The following TMEM17 variants were observed in gnomAD, a reference collection of about 807,000 sequenced individuals.
TMEM17 encodes transmembrane protein 17.
In TMEM17, 15 loss-of-function variants were observed where a neutral mutation model predicts 19.1. The observed-to-expected ratio is 0.78, with a 90% CI of 0.52 to 1.21. The LOEUF is 1.21. TMEM17 is among the 50% of genes most tolerant of loss of function. The probability of loss-of-function intolerance (pLI) is 0.00; values close to 1 mark genes in which losing one functional copy is unlikely to be tolerated. For synonymous variants in TMEM17, 103 were observed against 86.9 expected, an observed-to-expected ratio of 1.19 and a Z score of -1.03; for missense variants, 245 against 242.3, an observed-to-expected ratio of 1.01 and a Z score of -0.07.
At chr2:62,465,622 G>T in the TMEM17 span, among the ~76,000 whole-genome samples, 1 of 151,426 alleles carries the variant, frequency 6.6e-6, no homozygotes, top group South Asian at 2.1e-4. Flanking sequence ...TCAGCATTTT[G>T]TGAGGAGTAA....
the TMEM17 span, among the ~76,000 whole-genome samples, chr2:62,473,548 C>T: frequency 6.6e-6 from 1 of 152,216 alleles, no homozygotes; most frequent in Non-Finnish European, 1.5e-5. Flanking sequence ...CTCTCCTCCC[C>T]ACTCCCTGCT....
the TMEM17 span, among the ~76,000 whole-genome samples, chr2:62,484,454 A>G: frequency 6.6e-6 from 1 of 152,190 alleles, no homozygotes; most frequent in African/African-American, 2.4e-5. Flanking sequence ...GCCACAGGAG[A>G]CTGCTGAGCA....
At chr2:62,494,969 C>T in the TMEM17 span, among the ~76,000 whole-genome samples, 5 of 152,244 alleles carry the variant, frequency 3.3e-5, no homozygotes, top group South Asian at 2.1e-4. Context: ...GAGCCAAGAT[C>T]GTGCCACTGC....
the TMEM17 span, among the ~76,000 whole-genome samples, chr2:62,464,960 A>G: frequency 6.6e-6 from 1 of 152,198 alleles, no homozygotes; most frequent in Non-Finnish European, 1.5e-5. Context: ...TACAATAGAT[A>G]TGTTATCCCT....
chr2:62,489,817 T>G, the TMEM17 span, among the ~76,000 whole-genome samples: 3 of 152,166 alleles, frequency 2.0e-5, no homozygotes, highest in Non-Finnish European at 4.4e-5. Context: ...ACAAAAACCT[T>G]GCATCAAAGT....
chr2:62,493,620 G>A, the TMEM17 span, among the ~76,000 whole-genome samples: 59 of 152,268 alleles, frequency 3.9e-4, no homozygotes, highest in East Asian at 2.3e-3. Context: ...GTGTGTGTGC[G>A]CATGTGTAAA....
the TMEM17 span, among the ~76,000 whole-genome samples, chr2:62,457,479 G>A: frequency 6.6e-6 from 1 of 152,330 alleles, no homozygotes; most frequent in South Asian, 2.1e-4. The surrounding 1 kb of genome is among the most constrained non-coding windows in gnomAD (Gnocchi z 4.2). Flanking sequence ...GGGCAGAGAT[G>A]TCCGTTTCTT....
At chr2:62,488,125 A>G in the TMEM17 span, among the ~76,000 whole-genome samples, 1 of 152,186 alleles carries the variant, frequency 6.6e-6, no homozygotes. Context: ...ATGACTTTGT[A>G]TGGCCAGCTG....
At chr2:62,469,420 C>A in the TMEM17 span, among the ~76,000 whole-genome samples, 1 of 152,168 alleles carries the variant, frequency 6.6e-6, no homozygotes, top group Non-Finnish European at 1.5e-5. Flanking sequence ...AGCTTCTTGC[C>A]AAGATCTTTT....
At chr2:62,463,213 G>C in the TMEM17 span, 1 of 152,198 alleles carries the variant, frequency 6.6e-6, no homozygotes, top group Admixed American at 6.5e-5. Context: ...GAGGTGCCAT[G>C]AGACAGTATA....
At chr2:62,483,599 ATTTTTT>A in the TMEM17 span, among the ~76,000 whole-genome samples, 198 of 134,260 alleles carry the variant, frequency 1.5e-3, 1 homozygote, top group African/African-American at 5.3e-3. Context: ...CCCAGGATAC[ATTTTTT>A]TTTTTTTTTT....
chr2:62,470,835 G>A, the TMEM17 span, among the ~76,000 whole-genome samples: 21 of 152,312 alleles, frequency 1.4e-4, no homozygotes, highest in African/African-American at 4.8e-4. Flanking sequence ...CTCTCAGGAG[G>A]AACACTGCAA....
At chr2:62,499,261 A>G (rs1381692426), downstream of TMEM17, among the ~76,000 whole-genome samples, 3 of 152,200 alleles carry the variant, frequency 2.0e-5, no homozygotes, top group Admixed American at 6.5e-5. Flanking sequence ...AATGTACCAG[A>G]AGTTCTGCTA....
At chr2:62,483,340 C>T in the TMEM17 span, among the ~76,000 whole-genome samples, 1 of 152,270 alleles carries the variant, frequency 6.6e-6, no homozygotes, top group Middle Eastern at 3.4e-3. Context: ...AAGCAAAAGT[C>T]GCTAGATTTT....
chr2:62,497,135 T>C (rs1376251067), downstream of TMEM17, among the ~76,000 whole-genome samples: 1 of 152,226 alleles, frequency 6.6e-6, no homozygotes, highest in Non-Finnish European at 1.5e-5. Context: ...GTAGGTTCTA[T>C]TCAAGTTTAT....
the TMEM17 span, among the ~76,000 whole-genome samples, chr2:62,477,898 G>A: frequency 1.3e-5 from 2 of 152,144 alleles, no homozygotes; most frequent in Non-Finnish European, 2.9e-5. Context: ...AGACTTTAAG[G>A]CACTCATGTA....
In TMEM17 at chr2:62,501,534, T is replaced by C. The variant is rs547541621; in HGVS notation, c.319-47A>G. 1.9e-6 allele frequency: 3 copies of C among 1,559,768 alleles called. No individual in the cohort carries two copies. The South Asian group carries it at 3.7e-5, about 19-fold the overall frequency. Reference sequence around the variant, plus strand: ...GTAATAAAAATCAGTAAAATACAGTTTCTGTTTATACAGATAAACAAGTAC... The same window carrying C: ...GTAATAAAAATCAGTAAAATACAGTCTCTGTTTATACAGATAAACAAGTAC... On this transcript the variant is annotated intron_variant, in intron 3 of 3. Transcript: ENST00000335390.
chr2:62,492,394 T>C, the TMEM17 span, among the ~76,000 whole-genome samples: 2 of 152,240 alleles, frequency 1.3e-5, no homozygotes, highest in Non-Finnish European at 2.9e-5. Flanking sequence ...CCTGGCACAT[T>C]GCAGGCATCC....
At chr2:62,455,723 C>T in the TMEM17 span, among the ~76,000 whole-genome samples, 2 of 152,172 alleles carry the variant, frequency 1.3e-5, no homozygotes, top group South Asian at 2.1e-4. Flanking sequence ...GCCGAAATTG[C>T]ACCACTGCAC....
Sources: allele counts gnomAD v4.1 joint callset (sites outside exome capture counted in the v4.1 genomes callset), GRCh38; gene constraint gnomAD v4.1.1; non-coding constraint Gnocchi (gnomAD v3.1); transcripts MANE v1.5; gene names NCBI Gene and HGNC (gene_info 2026-07-23, HGNC 2026-07-21).